The following GLS variants were observed in gnomAD, a reference collection of about 807,000 sequenced individuals.
GLS encodes glutaminase kidney isoform, mitochondrial.
In GLS, 36 loss-of-function variants were observed where a neutral mutation model predicts 86.7. The observed-to-expected ratio is 0.42, with a 90% CI of 0.32 to 0.55. The LOEUF is 0.55. Among genes scored for constraint, GLS ranks in the 20% least tolerant of loss-of-function variants. The pLI is 0.17. For synonymous variants in GLS, 317 were observed against 305.9 expected (o/e 1.04, Z -0.38); for missense variants, 528 against 833.4 (o/e 0.63, Z 4.51).
At chr2:190,946,103 T>G (rs1007695313) in intron 14 of GLS, among the ~76,000 whole-genome samples, 5 of 152,178 alleles carry the variant, frequency 3.3e-5, no homozygotes, top group African/African-American at 1.2e-4. Context: ...TACACATCCT[T>G]AAAAATATTA....
intron 13 of GLS, 26 bp from the exon 14 acceptor site, chr2:190,931,519 T>C (rs544922346): frequency 8.4e-6 from 9 of 1,070,278 alleles, no homozygotes; most frequent in Admixed American, 2.0e-5. Flanking sequence ...CAATTTCTTA[T>C]ACCTGCTCTG....
Position 190,897,710 on chromosome 2 carries a change from G to A in GLS, c.605+1985G>A, listed in dbSNP as rs1216983040. The stretch of plus-strand genomic sequence containing the variant: ...TATAAGAAGTTACCTAGTTAGTGTT[G>A]CCAGAAATAAACTTCTCCCTTTCAT... On this transcript the variant is annotated intron_variant, in intron 3 of 17. Coordinates refer to ENST00000320717, the MANE Select transcript of GLS (RefSeq NM_014905.5). This position sits in a 1 kb window ranked among gnomAD's most constrained non-coding sequence, Gnocchi z 4.3. 2.0e-5 allele frequency among the ~76,000 whole-genome samples: 3 copies of A among 152,170 alleles called. No individual in the cohort carries two copies. The highest frequency in any genetic ancestry group is 4.4e-5 in the Non-Finnish European group (3 of 68,030).
rs768900058 is a variant in GLS, at chr2:190,934,862, C to T, written c.1650+3225C>T. On this transcript the variant is annotated intron_variant, in intron 14 of 17. Transcript: ENST00000320717. ...AGAAATTTTTATAGAAAAGTATAAA[C>T]GGAAGAAGAGATAAGATACTGCGAA... 1,079 of 978,794 alleles carry T rather than the reference C, an allele frequency of 1.1e-3. 1 individual carries two copies. The highest frequency in any genetic ancestry group is 1.2e-3 in the Non-Finnish European group (1,013 of 824,380). The allele number at this position is 978,794 out of a possible 1,614,324, so 60.6% of individuals were successfully genotyped here.
At position 190,924,629 on chromosome 2, in the gene GLS, T is replaced by C; in HGVS notation, c.1248+36T>C. On this transcript the variant is annotated intron_variant, in intron 11 of 17. Transcript: ENST00000320717. The surrounding 1 kb of genome is among the most constrained non-coding windows in gnomAD (Gnocchi z 5.2). The stretch of plus-strand genomic sequence containing the variant: ...TATGTAAATCGTATATATAAATGGA[T>C]GTGTCGGCTGGGCACGGTGGCTCAC... 2.5e-6 allele frequency: 3 copies of C among 1,177,812 alleles called. No individual in the cohort carries two copies. The highest frequency in any genetic ancestry group is 3.8e-6 in the Non-Finnish European group (3 of 783,106). The allele number at this position is 1,177,812 out of a possible 1,614,324, so 73.0% of individuals were successfully genotyped here.
rs749770187 is a variant in GLS, at chr2:190,951,480, C to G, written c.1651-2085C>G. On this transcript the variant is annotated intron_variant, in intron 14 of 17. Coordinates refer to ENST00000320717, the MANE Select transcript of GLS (RefSeq NM_014905.5). The surrounding 1 kb of genome is among the most constrained non-coding windows in gnomAD (Gnocchi z 4.2). Reference sequence around the variant, plus strand: ...AATGAAAGAGGAAAAGTTAAAGATGCTAGAAACAAAGGGGATCAGTGAGGG... The same window carrying G: ...AATGAAAGAGGAAAAGTTAAAGATGGTAGAAACAAAGGGGATCAGTGAGGG... 3.9e-5 allele frequency among the ~76,000 whole-genome samples: 6 copies of G among 151,934 alleles called. No individual in the cohort carries two copies. The highest frequency in any genetic ancestry group is 8.8e-5 in the Non-Finnish European group (6 of 67,984).
At chr2:190,907,332 A>G (rs1454148196) in intron 6 of GLS, among the ~76,000 whole-genome samples, 3 of 150,068 alleles carry the variant, frequency 2.0e-5, no homozygotes, top group Admixed American at 6.7e-5. Context: ...ATCTCGGCTC[A>G]CCGCAACCTC....
intron 5 of GLS, among the ~76,000 whole-genome samples, chr2:190,903,072 G>C (rs1689004352): frequency 6.6e-6 from 1 of 151,994 alleles, no homozygotes; most frequent in African/African-American, 2.4e-5. Flanking sequence ...CTTTTATGTT[G>C]CCCAGGTTAG....
intron 7 of GLS, among the ~76,000 whole-genome samples, chr2:190,915,895 A>G (rs1373777490): frequency 6.6e-6 from 1 of 152,210 alleles, no homozygotes; most frequent in African/African-American, 2.4e-5. Flanking sequence ...AGGGAATCTT[A>G]AGTTGTCAGT....
chr2:190,894,209 T>C (rs1318200870), intron 1 of GLS, among the ~76,000 whole-genome samples: 1 of 152,224 alleles, frequency 6.6e-6, no homozygotes, highest in Non-Finnish European at 1.5e-5. Flanking sequence ...CTCAAGTCTC[T>C]TATGTAAAAT....
chr2:190,925,722 G>A (rs1204734149), intron 11 of GLS, among the ~76,000 whole-genome samples: 1 of 152,160 alleles, frequency 6.6e-6, no homozygotes, highest in Non-Finnish European at 1.5e-5. Context: ...TGTCCAGGTT[G>A]CAGCTTTTCA....
intron 17 of GLS, among the ~76,000 whole-genome samples, chr2:190,960,185 A>G (rs1376884540): frequency 6.6e-6 from 1 of 152,146 alleles, no homozygotes; most frequent in Non-Finnish European, 1.5e-5. Context: ...GGAGTAGAGT[A>G]TATGAGTCAA....
At chr2:190,891,478 AAAG>A (rs1559316026) in intron 1 of GLS, among the ~76,000 whole-genome samples, 1 of 152,130 alleles carries the variant, frequency 6.6e-6, no homozygotes, top group Non-Finnish European at 1.5e-5. Context: ...TAAAAAAAAA[AAAG>A]ATGAGATAGC....
chr2:190,941,179 G>T (rs181820321), intron 14 of GLS, among the ~76,000 whole-genome samples: 1 of 152,230 alleles, frequency 6.6e-6, no homozygotes. Flanking sequence ...GATCCAACTT[G>T]TGTTTGCAAT....
Position 190,924,370 on chromosome 2 carries a change from T to G in GLS, c.1198-173T>G, listed in dbSNP as rs1234793274. On this transcript the variant is annotated intron_variant, in intron 10 of 17. Transcript: ENST00000320717. This position sits in a 1 kb window ranked among gnomAD's most constrained non-coding sequence, Gnocchi z 5.2. ...TTAAACTAGTATCTAGAAACTTACA[T>G]GATGTGATAAAATTTTGCTTTTTTA... Among the ~76,000 whole-genome samples, 1 of 152,206 alleles carries G rather than the reference T, an allele frequency of 6.6e-6. No individual in the cohort carries two copies. The highest frequency in any genetic ancestry group is 1.5e-5 in the Non-Finnish European group (1 of 68,030).
chr2:190,954,499 TTAAA>T lies in GLS; in HGVS notation c.1713-83_1713-80del. 1 of 862,486 alleles carries T rather than the reference TTAAA, an allele frequency of 1.2e-6. No homozygotes were observed. Among genetic ancestry groups the T allele is most frequent in the Non-Finnish European group, 1.8e-6 (1 of 542,152 alleles). The allele number at this position is 862,486 out of a possible 1,614,324, so 53.4% of individuals were successfully genotyped here. A position where few individuals can be genotyped will look rare whatever the true frequency, so the allele number is the denominator to read the frequency against. ...ATGAAGGATGGCACCTGACAGGGCC[TTAAA>T]TGAACTGATGGAGTGAATGTTACCA... On this transcript the variant is annotated intron_variant, in intron 15 of 17. Coordinates refer to ENST00000320717, the MANE Select transcript of GLS (RefSeq NM_014905.5). This position sits in a 1 kb window ranked among gnomAD's most constrained non-coding sequence, Gnocchi z 4.0.
intron 1 of GLS, among the ~76,000 whole-genome samples, chr2:190,885,338 C>T (rs750240713): frequency 3.3e-5 from 5 of 151,962 alleles, no homozygotes; most frequent in African/African-American, 1.2e-4. Flanking sequence ...ATTACAGGCA[C>T]CCGCCACCAT....
intron 1 of GLS, among the ~76,000 whole-genome samples, chr2:190,892,190 G>T (rs1158466221): frequency 2.0e-5 from 3 of 152,070 alleles, no homozygotes; most frequent in African/African-American, 7.2e-5. Flanking sequence ...ACAGTTAAAG[G>T]CTAAAGTAGG....
intron 14 of GLS, among the ~76,000 whole-genome samples, chr2:190,945,670 A>T (rs1160949468): frequency 6.6e-6 from 1 of 151,866 alleles, no homozygotes; most frequent in Non-Finnish European, 1.5e-5. Context: ...GTCTCAAAAA[A>T]AAAAAAGAAA....
intron 1 of GLS, among the ~76,000 whole-genome samples, chr2:190,891,577 A>G (rs1430877235): frequency 6.6e-6 from 1 of 152,160 alleles, no homozygotes; most frequent in Non-Finnish European, 1.5e-5. Flanking sequence ...AAACTAATTT[A>G]TAGAGAACTG....
Sources: gnomAD v4.1 joint callset for allele counts (sites outside exome capture counted in the v4.1 genomes callset) on GRCh38, gnomAD v4.1.1 for gene constraint, Gnocchi (gnomAD v3.1) non-coding constraint, MANE v1.5 for transcripts, NCBI Gene and HGNC (gene_info 2026-07-23, HGNC 2026-07-21) for gene names.